Variants in JAML observed in about 807,000 individuals in gnomAD.
The protein encoded by JAML is junction adhesion molecule like.
Under a neutral mutation model 39.3 loss-of-function variants are expected in JAML, and 25 were observed. The observed-to-expected ratio is 0.64, with a 90% CI of 0.46 to 0.89. The LOEUF (loss-of-function observed/expected upper bound fraction) is 0.89, where lower values mean the gene tolerates loss of function less well. Ranked by LOEUF, JAML falls within the 40% of genes least tolerant of loss-of-function variation. The probability of loss-of-function intolerance (pLI) is 0.00; values close to 1 mark genes in which losing one functional copy is unlikely to be tolerated. For synonymous variants in JAML, 162 were observed against 179.2 expected, an observed-to-expected ratio of 0.90 and a Z score of 0.77; for missense variants, 440 against 486.9, an observed-to-expected ratio of 0.90 and a Z score of 0.91.
chr11:118,205,696 T>C, intron 5 of JAML, 186 bp downstream of exon 5: 1 of 585,188 alleles, frequency 1.7e-6, no homozygotes, highest in Non-Finnish European at 3.1e-6. Flanking sequence ...CATCATCTTC[T>C]TGTTCTTGTT....
At chr11:118,196,260 TG>T (rs1325935026) in intron 9 of JAML, among the ~76,000 whole-genome samples, 1 of 151,892 alleles carries the variant, frequency 6.6e-6, no homozygotes, top group East Asian at 1.9e-4. Flanking sequence ...CCCAAGTAGC[TG>T]GGATTATAGG....
intron 4 of JAML, among the ~76,000 whole-genome samples, chr11:118,208,517 T>C (rs1948970072): frequency 6.6e-6 from 1 of 152,186 alleles, no homozygotes; most frequent in African/African-American, 2.4e-5. Flanking sequence ...CACAAGTGAA[T>C]AGGTGTGATG....
rs1263596879 is a variant in JAML, at chr11:118,222,990, G to A, written c.-21+1951C>T. Among the ~76,000 whole-genome samples, 2 of 151,514 alleles carry A rather than the reference G, an allele frequency of 1.3e-5. No homozygotes were observed. Among genetic ancestry groups the A allele is most frequent in the African/African-American group, 4.9e-5 (2 of 41,214 alleles). ...AGCGCCTGTAATCCCAGCTACTTGG[G>A]AGGCTGAGGCAGGAGAATCACTTGA... On this transcript the variant is annotated intron_variant, in intron 1 of 9. Transcript: ENST00000356289. The surrounding 1 kb of genome is among the most constrained non-coding windows in gnomAD (Gnocchi z 4.2).
intron 1 of JAML, among the ~76,000 whole-genome samples, chr11:118,218,021 C>A (rs1565485465): frequency 1.3e-5 from 2 of 152,258 alleles, no homozygotes; most frequent in Admixed American, 1.3e-4. Flanking sequence ...TCGCTCACAT[C>A]TCAAGTTAAA....
intron 7 of JAML, among the ~76,000 whole-genome samples, chr11:118,199,266 G>C (rs1461058176): frequency 6.6e-6 from 1 of 152,186 alleles, no homozygotes. Flanking sequence ...GCGGGAAACT[G>C]AGGTCCCGAC....
At chr11:118,200,670 C>A in intron 6 of JAML, 58 bp from the exon 7 acceptor site, 1 of 1,600,902 alleles carries the variant, frequency 6.2e-7, no homozygotes, top group South Asian at 1.1e-5. Flanking sequence ...GAGCTGAGAG[C>A]CCCACAGCCC....
intron 1 of JAML, among the ~76,000 whole-genome samples, chr11:118,217,223 C>T (rs1038910422): frequency 3.9e-5 from 6 of 152,220 alleles, no homozygotes; most frequent in African/African-American, 1.4e-4. Flanking sequence ...TGGATAAATG[C>T]TCATAGCTGA....
chr11:118,218,535 G>T (rs1450806818), intron 1 of JAML, among the ~76,000 whole-genome samples: 1 of 152,122 alleles, frequency 6.6e-6, no homozygotes, highest in African/African-American at 2.4e-5. Flanking sequence ...GAAGCCAAGA[G>T]CCATGCCCAT....
chr11:118,223,213 G>T (rs1949227783), intron 1 of JAML, among the ~76,000 whole-genome samples: 1 of 151,902 alleles, frequency 6.6e-6, no homozygotes, highest in African/African-American at 2.4e-5. Flanking sequence ...GGTTGGCTAA[G>T]ATTTAAAGGG....
chr11:118,217,101 T>C (rs1487377464), intron 1 of JAML, among the ~76,000 whole-genome samples: 1 of 152,248 alleles, frequency 6.6e-6, no homozygotes, highest in Non-Finnish European at 1.5e-5. Context: ...CTAATTTATA[T>C]GTCTGCCACC....
intron 2 of JAML, among the ~76,000 whole-genome samples, chr11:118,213,951 C>A (rs763081720): frequency 6.6e-6 from 1 of 152,110 alleles, no homozygotes; most frequent in Non-Finnish European, 1.5e-5. Flanking sequence ...TTTTGGTGTG[C>A]GTGCCTGTGT....
chr11:118,210,009 C>T (rs578083005), intron 4 of JAML, among the ~76,000 whole-genome samples: 9 of 152,246 alleles, frequency 5.9e-5, no homozygotes, highest in Non-Finnish European at 1.2e-4. Context: ...GGATTACAGG[C>T]ATGAGCCACT....
chr11:118,220,365 C>T (rs977859216), intron 1 of JAML, among the ~76,000 whole-genome samples: 12 of 152,284 alleles, frequency 7.9e-5, no homozygotes, highest in Admixed American at 2.6e-4. Context: ...TTTTCCTCAG[C>T]GAGAAGCCTC....
intron 1 of JAML, among the ~76,000 whole-genome samples, chr11:118,219,093 G>A (rs2134677761): frequency 6.6e-6 from 1 of 152,154 alleles, no homozygotes; most frequent in South Asian, 2.1e-4. Flanking sequence ...TAGTGTATGG[G>A]GGGTTAAAAA....
intron 1 of JAML, among the ~76,000 whole-genome samples, chr11:118,217,778 T>G (rs1463623369): frequency 6.6e-6 from 1 of 152,186 alleles, no homozygotes; most frequent in Non-Finnish European, 1.5e-5. Context: ...CAATGTGACT[T>G]GCCTAAGAAC....
intron 7 of JAML, among the ~76,000 whole-genome samples, chr11:118,199,172 G>A (rs1033864494): frequency 1.3e-5 from 2 of 152,110 alleles, no homozygotes; most frequent in Non-Finnish European, 2.9e-5. Context: ...AAGCAAGACG[G>A]CAGTTTTGCA....
intron 2 of JAML, among the ~76,000 whole-genome samples, chr11:118,214,137 AT>A (rs1949109178): frequency 6.6e-6 from 1 of 152,206 alleles, no homozygotes; most frequent in Admixed American, 6.5e-5. Flanking sequence ...CCAGAACTAC[AT>A]CCATGGGATA....
intron 8 of JAML, 130 bp downstream of exon 8, chr11:118,197,868 G>C (rs1192648922): frequency 1.2e-6 from 1 of 818,208 alleles, no homozygotes; most frequent in Non-Finnish European, 2.0e-6. Context: ...AAGGCTTCCT[G>C]AGTCCCTGCT....
rs1422293881 is a variant in JAML, at chr11:118,199,689, TA to T, written c.911+784del. ...GCCTTTAAAAGCACATTATTATTAT[TA>T]TTATTTTTTTTTTTTTTTTTTTTTG... On this transcript the variant is annotated intron_variant, in intron 7 of 9. Coordinates refer to ENST00000356289, the MANE Select transcript of JAML (RefSeq NM_001098526.2). Among the ~76,000 whole-genome samples the T allele has an allele frequency of 7.9e-3, 584 of 73,748 alleles. 5 individuals are homozygous for T. The highest frequency in any genetic ancestry group is 0.027 in the African/African-American group (558 of 20,406). 48.4% of individuals were successfully genotyped at this position (73,748 alleles called of 152,430 possible). A position where few individuals can be genotyped will look rare whatever the true frequency, so the allele number is the denominator to read the frequency against.
Sources: allele counts gnomAD v4.1 joint callset (sites outside exome capture counted in the v4.1 genomes callset), GRCh38; gene constraint gnomAD v4.1.1; non-coding constraint Gnocchi (gnomAD v3.1); transcripts MANE v1.5; gene names NCBI Gene and HGNC (gene_info 2026-07-23, HGNC 2026-07-21).